RFX7: variants seen among roughly 807,000 people sequenced by gnomAD.
RFX7 encodes the protein regulatory factor X7.
A neutral mutation model predicts 111.8 loss-of-function variants in RFX7; 26 were observed. The observed-to-expected ratio is 0.23, with a 90% CI of 0.17 to 0.32. The LOEUF (loss-of-function observed/expected upper bound fraction) is 0.32, where lower values mean the gene tolerates loss of function less well. Ranked by LOEUF, RFX7 falls within the 10% of genes least tolerant of loss-of-function variation. The pLI is 1.00. For missense variants in RFX7, 1,573 were observed against 1,772.9 expected (o/e 0.89, Z 2.02); for synonymous variants, 624 against 624.4 (o/e 1.00, Z 0.01).
At chr15:56,241,590 A>C (rs546476959) in intron 2 of RFX7, among the ~76,000 whole-genome samples, 2 of 152,272 alleles carry the variant, frequency 1.3e-5, no homozygotes, top group African/African-American at 2.4e-5. Context: ...AGAGGTTAAA[A>C]ACACACACAC....
intron 3 of RFX7, among the ~76,000 whole-genome samples, chr15:56,154,242 A>C (rs1325994688): frequency 6.6e-6 from 1 of 152,346 alleles, no homozygotes; most frequent in East Asian, 1.9e-4. Flanking sequence ...ATCCCCATCA[A>C]GCTACCACTG....
chr15:56,115,747 G>A (rs564751299), intron 5 of RFX7, among the ~76,000 whole-genome samples: 2 of 152,160 alleles, frequency 1.3e-5, no homozygotes, highest in South Asian at 4.2e-4. Flanking sequence ...GACCATCCTG[G>A]CTAAGACGGT....
At chr15:56,230,879 G>A (rs1473361296) in intron 2 of RFX7, among the ~76,000 whole-genome samples, 3 of 152,228 alleles carry the variant, frequency 2.0e-5, no homozygotes, top group Non-Finnish European at 2.9e-5. Flanking sequence ...CAGACCACGA[G>A]GTCAGGAGAT....
intron 3 of RFX7, among the ~76,000 whole-genome samples, chr15:56,147,125 T>C (rs2042487619): frequency 6.6e-6 from 1 of 152,236 alleles, no homozygotes; most frequent in Non-Finnish European, 1.5e-5. Flanking sequence ...CTGTTCTATG[T>C]TGAAATTCGT....
intron 3 of RFX7, among the ~76,000 whole-genome samples, chr15:56,156,082 G>A (rs528838841): frequency 2.0e-5 from 3 of 152,114 alleles, no homozygotes; most frequent in South Asian, 4.1e-4. Context: ...TGGGCCGTAC[G>A]TAGCATTTAC....
At chr15:56,152,553 G>C (rs758678574) in intron 3 of RFX7, among the ~76,000 whole-genome samples, 3 of 152,150 alleles carry the variant, frequency 2.0e-5, no homozygotes, top group Non-Finnish European at 2.9e-5. Flanking sequence ...ATTTAAAGCA[G>C]TGTTTAGAGG....
intron 3 of RFX7, among the ~76,000 whole-genome samples, chr15:56,152,577 C>A (rs2042587266): frequency 6.6e-6 from 1 of 152,020 alleles, no homozygotes; most frequent in East Asian, 1.9e-4. Context: ...ATTTATAGCA[C>A]TAAATGCCCA....
intron 2 of RFX7, among the ~76,000 whole-genome samples, chr15:56,179,796 ACACACACACACACAC>A (rs1319320798): frequency 2.7e-5 from 4 of 148,382 alleles, no homozygotes; most frequent in African/African-American, 1.0e-4. Flanking sequence ...ACACACACAC[ACACACACACACACAC>A]ACCAGTAACA....
intron 5 of RFX7, among the ~76,000 whole-genome samples, chr15:56,141,569 T>G (rs758250288): frequency 1.9e-4 from 29 of 150,186 alleles, no homozygotes; most frequent in South Asian, 2.1e-4. Flanking sequence ...CTATAACCTT[T>G]TACTGAATTC....
rs563073000 is a variant in RFX7, at chr15:56,188,411, T to C, written c.162-9108A>G. Reference sequence around the variant, plus strand: ...ATGGCCAAAGTCTTCCCAAATCCTATGAAAAACACAAACTTCTAGATCCCA... The same window carrying C: ...ATGGCCAAAGTCTTCCCAAATCCTACGAAAAACACAAACTTCTAGATCCCA... On this transcript the variant is annotated intron_variant, in intron 2 of 9. Transcript: ENST00000559447. 5.9e-5 allele frequency among the ~76,000 whole-genome samples: 9 copies of C among 152,176 alleles called. No homozygotes were observed. The East Asian group carries it at 1.7e-3, about 29-fold the overall frequency.
chr15:56,150,649 C>T (rs1160458795), intron 3 of RFX7, among the ~76,000 whole-genome samples: 8 of 152,162 alleles, frequency 5.3e-5, no homozygotes, highest in Admixed American at 2.0e-4. Flanking sequence ...AAAACCAGAA[C>T]GCCTTTCCTC....
intron 2 of RFX7, among the ~76,000 whole-genome samples, chr15:56,223,798 GT>G (rs1188648296): frequency 6.6e-6 from 1 of 152,032 alleles, no homozygotes; most frequent in Non-Finnish European, 1.5e-5. Context: ...ACTTTCGACT[GT>G]TTTGTTTTGT....
At chr15:56,141,728 G>C (rs1363483756) in intron 5 of RFX7, among the ~76,000 whole-genome samples, 1 of 143,860 alleles carries the variant, frequency 7.0e-6, no homozygotes, top group African/African-American at 2.7e-5. Context: ...ATTGTATCCT[G>C]AGAACTTATC....
intron 5 of RFX7, among the ~76,000 whole-genome samples, chr15:56,136,952 T>A (rs1242424664): frequency 6.7e-6 from 1 of 150,050 alleles, no homozygotes; most frequent in African/African-American, 2.4e-5. Flanking sequence ...CAGCCTTGCA[T>A]CCCAGGGATG....
intron 5 of RFX7, among the ~76,000 whole-genome samples, chr15:56,129,516 G>T (rs1398725838): frequency 1.3e-5 from 2 of 152,032 alleles, no homozygotes; most frequent in African/African-American, 4.8e-5. Context: ...ACTTACAAAT[G>T]GTATAGGAAA....
At chr15:56,115,417 AT>A (rs1418182298) in intron 5 of RFX7, among the ~76,000 whole-genome samples, 2 of 152,206 alleles carry the variant, frequency 1.3e-5, no homozygotes, top group East Asian at 1.9e-4. Flanking sequence ...AGAAAGATTT[AT>A]AGTTGACACG....
chr15:56,185,904 C>T (rs564219587), intron 2 of RFX7, among the ~76,000 whole-genome samples: 43 of 152,256 alleles, frequency 2.8e-4, no homozygotes, highest in Non-Finnish European at 5.4e-4. Context: ...TAATTATGAA[C>T]TTATCTTCAC....
intron 5 of RFX7, among the ~76,000 whole-genome samples, chr15:56,111,623 G>A (rs1329621996): frequency 4.9e-5 from 4 of 82,034 alleles, no homozygotes; most frequent in Non-Finnish European, 6.8e-5. Flanking sequence ...CCCTCTGCGA[G>A]AAACACCCAA....
chr15:56,163,064 T>G (rs1470187417), intron 3 of RFX7, among the ~76,000 whole-genome samples: 1 of 152,162 alleles, frequency 6.6e-6, no homozygotes, highest in Non-Finnish European at 1.5e-5. Context: ...TTTAATTAGA[T>G]AATGCAAACA....
Sources: gnomAD v4.1 joint callset for allele counts (sites outside exome capture counted in the v4.1 genomes callset) on GRCh38, gnomAD v4.1.1 for gene constraint, MANE v1.5 for transcripts, NCBI Gene and HGNC (gene_info 2026-07-23, HGNC 2026-07-21) for gene names.